Variants in THBS2 observed in about 807,000 individuals in gnomAD.
THBS2 encodes thrombospondin-2.
Under a neutral mutation model 135.2 loss-of-function variants are expected in THBS2, and 47 were observed. That is an observed-to-expected ratio of 0.35 (90% CI 0.28 to 0.44). THBS2 has a LOEUF of 0.44. Ranked by LOEUF, THBS2 falls within the 20% of genes least tolerant of loss-of-function variation. The probability of loss-of-function intolerance (pLI) is 1.00; values close to 1 mark genes in which losing one functional copy is unlikely to be tolerated. For missense variants in THBS2, 1,288 were observed against 1,603.1 expected (o/e 0.80, Z 3.36); for synonymous variants, 639 against 633.8 (o/e 1.01, Z -0.12).
chr6:169,226,164 C>G lies in THBS2; in HGVS notation c.2538+16G>C. The G allele has an allele frequency of 1.2e-6, 2 of 1,602,664 alleles. No homozygotes were observed. The highest frequency in any genetic ancestry group is 1.7e-6 in the Non-Finnish European group (2 of 1,171,426). On this transcript the variant is annotated intron_variant, in intron 16 of 21. Transcript: ENST00000617924. ...GATGAGGACCTCCAACCCCGCCTGT[C>G]TGCGGCTGCCCTCACCTGGTCAGGG...
At chr6:169,233,846 TGCCC>T (rs1779939361) in intron 10 of THBS2, among the ~76,000 whole-genome samples, 1 of 149,114 alleles carries the variant, frequency 6.7e-6, no homozygotes, top group Admixed American at 6.7e-5. Flanking sequence ...AACACACAAC[TGCCC>T]ACACGTCAGG....
At chr6:169,249,012 G>A (rs1780665415) in intron 2 of THBS2, 39 bp from the exon 3 acceptor site, 1 of 1,557,568 alleles carries the variant, frequency 6.4e-7, no homozygotes, top group African/African-American at 1.4e-5. Flanking sequence ...TGACGTAGGG[G>A]AAGAGGGCGA....
At chr6:169,223,614 G>A (rs1779512590) in intron 17 of THBS2, 139 bp from the exon 18 acceptor site, 1 of 674,004 alleles carries the variant, frequency 1.5e-6, no homozygotes, top group Non-Finnish European at 2.5e-6. Flanking sequence ...GTGCTTTGCA[G>A]TGTTTTGTGG....
intron 7 of THBS2, chr6:169,239,317 T>C: frequency 2.1e-6 from 1 of 485,858 alleles, no homozygotes; most frequent in Non-Finnish European, 3.7e-6. Flanking sequence ...CGGGGCCTGC[T>C]CTGGGCTCAC....
chr6:169,240,951 G>A (rs544660060), intron 5 of THBS2, among the ~76,000 whole-genome samples: 1 of 152,198 alleles, frequency 6.6e-6, no homozygotes, highest in East Asian at 1.9e-4. Context: ...CAGCCATAAC[G>A]ACAGGCAGGG....
chr6:169,242,698 ACC>A (rs1780372079), intron 4 of THBS2, among the ~76,000 whole-genome samples: 2 of 47,096 alleles, frequency 4.2e-5, no homozygotes, highest in Admixed American at 2.1e-4. Context: ...CCATCTTCCC[ACC>A]TTCCCACCAC....
At chr6:169,226,838 AGAGCAAAATGTTACACGG>A (rs1779647289) in intron 15 of THBS2, among the ~76,000 whole-genome samples, 1 of 152,252 alleles carries the variant, frequency 6.6e-6, no homozygotes, top group Non-Finnish European at 1.5e-5. Flanking sequence ...CACAAATGAC[AGAGCAAAATGTTACACGG>A]CAGCGAGTCC....
rs752900745 is a variant in THBS2 at position 169,232,777 on chromosome 6, C to T, written c.1819G>A (p.Val607Met). ...VPDICFSTSK[V>M]PRCVNTQPGF... is the part of the protein sequence containing the mutation. Reference sequence around the variant, plus strand: ...GGCTGAGTGTTGACACAGCGAGGCACCTTGCTGGTGGAGAAGCAGATGTCG... The same window carrying T: ...GGCTGAGTGTTGACACAGCGAGGCATCTTGCTGGTGGAGAAGCAGATGTCG... Residue 607 changes from valine to methionine, a missense_variant, in exon 12 of 22, where the codon GTG becomes ATG. Around this residue, in one of 2 missense-constraint regions of THBS2, gnomAD observed 874 missense variants for 1,156.1 expected, o/e 0.76. Transcript: ENST00000617924. The T allele has an allele frequency of 2.5e-6, 4 of 1,613,934 alleles. No homozygotes were observed. Among genetic ancestry groups the T allele is most frequent in the Non-Finnish European group, 3.4e-6 (4 of 1,179,900 alleles).
chr6:169,243,736 G>T (rs183604108), intron 4 of THBS2, among the ~76,000 whole-genome samples: 2 of 152,312 alleles, frequency 1.3e-5, no homozygotes, highest in African/African-American at 2.4e-5. Context: ...TTAAACAAAA[G>T]ACCGCATATA....
intron 20 of THBS2, 66 bp downstream of exon 20, chr6:169,221,364 T>C (rs1583403891): frequency 7.1e-7 from 1 of 1,406,472 alleles, no homozygotes; most frequent in East Asian, 2.3e-5. Flanking sequence ...TGTCTATTAA[T>C]GTTCAAATGT....
chr6:169,219,914 A>C (rs1278778761), intron 21 of THBS2: 1 of 582,038 alleles, frequency 1.7e-6, no homozygotes, highest in Non-Finnish European at 3.2e-6. Flanking sequence ...GAAGTGGAGG[A>C]AATCTAGGAA....
Position 169,217,767 on chromosome 6 carries a change from G to A in THBS2, c.*55C>T, listed in dbSNP as rs1779227284. ...GCCACAAGGACCACAATGAACTGAG[G>A]TGTCTAGGGACCATGGCATGCACAG... On this transcript the variant is annotated 3_prime_UTR_variant, in exon 22 of 22. Transcript: ENST00000617924. The A allele has an allele frequency of 1.3e-6, 2 of 1,595,322 alleles. No individual in the cohort carries two copies. Among genetic ancestry groups the A allele is most frequent in the Non-Finnish European group, 1.7e-6 (2 of 1,169,248 alleles).
intron 13 of THBS2, 106 bp downstream of exon 13, chr6:169,231,874 C>T: frequency 7.6e-7 from 1 of 1,316,196 alleles, no homozygotes; most frequent in Non-Finnish European, 1.0e-6. Context: ...GACCCTCCTT[C>T]CAAATTCCCT....
chr6:169,235,919 C>A (rs1237874372), intron 9 of THBS2, among the ~76,000 whole-genome samples: 1 of 129,006 alleles, frequency 7.8e-6, no homozygotes, highest in African/African-American at 3.0e-5. Context: ...CTCCCTCTGT[C>A]CACACTCACT....
In THBS2 at chr6:169,237,201, C is replaced by G. The variant is rs1359565942; in HGVS notation, c.1446G>C (p.Glu482Asp). The change falls in exon 9 of 22, where the codon GAG becomes GAC. Residue 482 changes from glutamate (E) to aspartate (D), a missense_variant. Glu to Asp is a conservative substitution (Grantham distance 45, BLOSUM62 2). Around this residue, in one of 2 missense-constraint regions of THBS2, gnomAD observed 874 missense variants for 1,156.1 expected, o/e 0.76. Coordinates refer to ENST00000617924, the MANE Select transcript of THBS2 (RefSeq NM_003247.5). The stretch of plus-strand genomic sequence containing the variant: ...ATGGGGCGCCCTGGCAGGCTTTGGT[C>G]TCCCGGCCACTCCCTTTGCAATTCT... ...GGKNCKGSGRETKACQGAPCP... is the reference protein window; with the variant it reads ...GGKNCKGSGRDTKACQGAPCP... 6.2e-7 allele frequency: 1 copy of G among 1,611,286 alleles called. No homozygotes were observed. The highest frequency in any genetic ancestry group is 1.1e-5 in the South Asian group (1 of 91,074).
intron 15 of THBS2, among the ~76,000 whole-genome samples, chr6:169,227,810 G>C (rs780718730): frequency 6.6e-6 from 1 of 152,264 alleles, no homozygotes; most frequent in Admixed American, 6.5e-5. Context: ...GGCCGGGCGC[G>C]GTGGCTCACG....
intron 4 of THBS2, among the ~76,000 whole-genome samples, chr6:169,242,578 CCCCAAATTCCCACCTT>C (rs1780350325): frequency 7.8e-6 from 1 of 127,844 alleles, no homozygotes; most frequent in Admixed American, 8.4e-5. Context: ...TCCCACCTTC[CCCCAAATTCCCACCTT>C]CCCACATTCC....
At chr6:169,218,073 GGGT>G (rs1327385616) in intron 21 of THBS2, among the ~76,000 whole-genome samples, 1 of 127,148 alleles carries the variant, frequency 7.9e-6, no homozygotes, top group Non-Finnish European at 1.8e-5. Flanking sequence ...TGAAATGGAT[GGGT>G]GGGTGGATGA....
chr6:169,229,774 A>G, intron 13 of THBS2, 95 bp from the exon 14 acceptor site: 2 of 965,880 alleles, frequency 2.1e-6, no homozygotes, highest in Non-Finnish European at 1.6e-6. Flanking sequence ...GCGCCGAGGA[A>G]GGAAGCGTGC....
Sources: gnomAD v4.1 joint callset for allele counts (sites outside exome capture counted in the v4.1 genomes callset) on GRCh38, gnomAD v4.1.1 for gene constraint, gnomAD v4.1.1 regional missense constraint, MANE v1.5 for transcripts, NCBI Gene and HGNC (gene_info 2026-07-23, HGNC 2026-07-21) for gene names.